The following NLGN1 variants were observed in gnomAD, a reference collection of about 807,000 sequenced individuals.
The protein encoded by NLGN1 is neuroligin 1.
In NLGN1, 12 loss-of-function variants were observed where a neutral mutation model predicts 65.5. The ratio of observed to expected loss-of-function variants is 0.18; its 90% CI spans 0.12 to 0.30. NLGN1 has a LOEUF of 0.30. Among genes scored for constraint, NLGN1 ranks in the 10% least tolerant of loss-of-function variants. NLGN1 has a pLI of 1.00. For missense variants in NLGN1, 750 were observed against 1,007.1 expected, an observed-to-expected ratio of 0.74 and a Z score of 3.46; for synonymous variants, 350 against 359.5, an observed-to-expected ratio of 0.97 and a Z score of 0.30.
chr3:173,645,840 C>G (rs1282243543), intron 3 of NLGN1, among the ~76,000 whole-genome samples: 4 of 152,200 alleles, frequency 2.6e-5, no homozygotes, highest in African/African-American at 4.8e-5. Context: ...CTGCCATAAT[C>G]CCAGCCCTGT....
At chr3:173,478,351 A>G (rs146020089) in intron 2 of NLGN1, among the ~76,000 whole-genome samples, 19 of 152,046 alleles carry the variant, frequency 1.2e-4, no homozygotes, top group East Asian at 9.7e-4. Flanking sequence ...GGGCTGAACA[A>G]TGAGAACACA....
intron 4 of NLGN1, among the ~76,000 whole-genome samples, chr3:173,876,939 A>G (rs1255388618): frequency 6.6e-6 from 1 of 152,198 alleles, no homozygotes; most frequent in East Asian, 1.9e-4. Context: ...GAAATAGAAA[A>G]TCAGCATTTG....
chr3:174,010,942 A>G lies in NLGN1; in HGVS notation c.646+203110A>G, dbSNP rs563680765. ...TTCTTGCCCCATTCAATTACTGCTCAATTTGATAGCAGTAAAGGAGTTAAG... is the reference window on the plus strand; with the variant it reads ...TTCTTGCCCCATTCAATTACTGCTCGATTTGATAGCAGTAAAGGAGTTAAG... On this transcript the variant is annotated intron_variant, in intron 4 of 6. Coordinates refer to ENST00000457714, the Ensembl canonical transcript of NLGN1. Among the ~76,000 whole-genome samples, 10 of 152,272 alleles carry G rather than the reference A, an allele frequency of 6.6e-5. No individual in the cohort carries two copies. The East Asian group carries it at 1.7e-3, about 26-fold the overall frequency.
chr3:173,995,898 C>G (rs1039407251), intron 4 of NLGN1, among the ~76,000 whole-genome samples: 2 of 152,036 alleles, frequency 1.3e-5, no homozygotes, highest in Non-Finnish European at 2.9e-5. Flanking sequence ...GTTGCCCAGG[C>G]TACTCTCAAA....
At chr3:173,783,412 A>G (rs1041278936) in intron 3 of NLGN1, among the ~76,000 whole-genome samples, 1 of 152,142 alleles carries the variant, frequency 6.6e-6, no homozygotes. Flanking sequence ...CCCTGGCCTC[A>G]GTGTCCTCAC....
chr3:173,791,456 T>C (rs1051638222), intron 3 of NLGN1, among the ~76,000 whole-genome samples: 5 of 152,050 alleles, frequency 3.3e-5, no homozygotes, highest in African/African-American at 9.7e-5. Context: ...ATATTACTTA[T>C]TTAGTTTGAA....
At chr3:174,009,865 T>C (rs1358784784) in intron 4 of NLGN1, among the ~76,000 whole-genome samples, 2 of 152,076 alleles carry the variant, frequency 1.3e-5, no homozygotes, top group African/African-American at 4.8e-5. Flanking sequence ...AGGATTTCAA[T>C]AGGCAGAGAG....
chr3:173,920,635 T>C (rs1292144343), intron 4 of NLGN1: 2 of 152,154 alleles, frequency 1.3e-5, no homozygotes, highest in Admixed American at 1.3e-4. Flanking sequence ...TAAGAGTCAG[T>C]AGCTCATAAC....
upstream of NLGN1, among the ~76,000 whole-genome samples, chr3:173,397,470 C>G (rs1716806276): frequency 6.6e-6 from 1 of 152,130 alleles, no homozygotes; most frequent in African/African-American, 2.4e-5. Context: ...CGCGGCATCT[C>G]CAGCCCCGGC....
At position 174,043,830 on chromosome 3, in the gene NLGN1, C is replaced by T. The variant is rs537614145; in HGVS notation, c.647-231485C>T. Among the ~76,000 whole-genome samples, 520 of 152,314 alleles carry T rather than the reference C, an allele frequency of 3.4e-3. 6 individuals carry two copies. The highest frequency in any genetic ancestry group is 6.8e-3 in the Middle Eastern group (2 of 294). ...CAGTAGGCAGTGTCCCCAGTGGGGA[C>T]GCTGTGTGGAGTCTTTGACACCCCT... On this transcript the variant is annotated intron_variant, in intron 4 of 6. Coordinates refer to ENST00000457714, the Ensembl canonical transcript of NLGN1.
At chr3:174,211,707 T>C (rs1189578851) in intron 4 of NLGN1, among the ~76,000 whole-genome samples, 2 of 144,044 alleles carry the variant, frequency 1.4e-5, no homozygotes, top group African/African-American at 5.2e-5. Context: ...GTTCTCCACA[T>C]CCCCATCAGA....
At chr3:173,518,774 C>T (rs1005748618) in intron 2 of NLGN1, among the ~76,000 whole-genome samples, 2 of 152,056 alleles carry the variant, frequency 1.3e-5, no homozygotes, top group Non-Finnish European at 2.9e-5. Flanking sequence ...AAATGTGCAG[C>T]CCAGCTACGT....
At chr3:173,946,683 A>G (rs1163556798) in intron 4 of NLGN1, among the ~76,000 whole-genome samples, 1 of 152,150 alleles carries the variant, frequency 6.6e-6, no homozygotes, top group African/African-American at 2.4e-5. Context: ...AGATTAACTC[A>G]TCTTGTACTT....
At chr3:173,496,686 A>C (rs948677296) in intron 2 of NLGN1, among the ~76,000 whole-genome samples, 2 of 151,828 alleles carry the variant, frequency 1.3e-5, no homozygotes, top group African/African-American at 2.4e-5. Context: ...GGAGAGACAA[A>C]ATAAAGGATT....
At chr3:174,117,795 C>A (rs1716855991) in intron 4 of NLGN1, among the ~76,000 whole-genome samples, 1 of 152,058 alleles carries the variant, frequency 6.6e-6, no homozygotes, top group Non-Finnish European at 1.5e-5. Context: ...TTGATTTAAC[C>A]AAAGATTAGA....
At chr3:173,957,575 T>G (rs1304707360) in intron 4 of NLGN1, among the ~76,000 whole-genome samples, 1 of 152,218 alleles carries the variant, frequency 6.6e-6, no homozygotes, top group Admixed American at 6.5e-5. Context: ...CAATAATTTT[T>G]AGGCAGCTAA....
intron 4 of NLGN1, among the ~76,000 whole-genome samples, chr3:173,830,701 T>A (rs892788566): frequency 9.9e-5 from 15 of 152,284 alleles, no homozygotes; most frequent in Admixed American, 7.2e-4. Flanking sequence ...TCTTCTAGAA[T>A]TCAAAATAAT....
intron 2 of NLGN1, among the ~76,000 whole-genome samples, chr3:173,562,549 G>C (rs991203556): frequency 1.3e-5 from 2 of 151,134 alleles, no homozygotes; most frequent in Admixed American, 6.6e-5. Flanking sequence ...CCTGGTGACA[G>C]AGCAAGATTG....
chr3:173,554,054 A>C (rs1741319729), intron 2 of NLGN1, among the ~76,000 whole-genome samples: 1 of 152,184 alleles, frequency 6.6e-6, no homozygotes, highest in African/African-American at 2.4e-5. Context: ...TTGTAATAGC[A>C]GTTGATTCAA....
Sources: gnomAD v4.1 joint callset for allele counts (sites outside exome capture counted in the v4.1 genomes callset) on GRCh38, gnomAD v4.1.1 for gene constraint, MANE v1.5 for transcripts, NCBI Gene and HGNC (gene_info 2026-07-23, HGNC 2026-07-21) for gene names.